The following ADAM10 variants were observed in gnomAD, a reference collection of about 807,000 sequenced individuals.
ADAM10 encodes the protein disintegrin and metalloproteinase domain-containing protein 10.
Under a neutral mutation model 90.1 loss-of-function variants are expected in ADAM10, and 17 were observed. That is an observed-to-expected ratio of 0.19 (90% confidence interval 0.13 to 0.28). ADAM10 has a LOEUF of 0.28. Ranked by LOEUF, ADAM10 falls within the 10% of genes least tolerant of loss-of-function variation. ADAM10 has a pLI of 1.00. For missense variants in ADAM10, 610 were observed against 914.3 expected (o/e 0.67, Z 4.29); for synonymous variants, 310 against 298.6 (o/e 1.04, Z -0.40).
chr15:58,702,113 A>G (rs1042763751), intron 2 of ADAM10, among the ~76,000 whole-genome samples: 5 of 152,198 alleles, frequency 3.3e-5, no homozygotes, highest in Non-Finnish European at 7.3e-5. Flanking sequence ...CTCAAAAAAA[A>G]GAAAAAGAAA....
At chr15:58,659,597 T>C (rs1341641096) in intron 5 of ADAM10, among the ~76,000 whole-genome samples, 5 of 151,920 alleles carry the variant, frequency 3.3e-5, no homozygotes, top group Admixed American at 3.3e-4. Context: ...TATTGCTGGA[T>C]TTCACTTGCT....
chr15:58,691,344 T>C, intron 2 of ADAM10: 1 of 1,057,190 alleles, frequency 9.5e-7, no homozygotes, highest in Non-Finnish European at 1.5e-6. Flanking sequence ...ACAGTACTCA[T>C]CAATGGGCTC....
At chr15:58,663,794 T>C (rs1897021048) in intron 5 of ADAM10, among the ~76,000 whole-genome samples, 1 of 152,138 alleles carries the variant, frequency 6.6e-6, no homozygotes, top group African/African-American at 2.4e-5. Context: ...TTCTATAATA[T>C]ATAATATTCT....
Position 58,610,395 on chromosome 15 carries a change from T to A in ADAM10, c.1927A>T (p.Met643Leu). Residue 643 changes from methionine to leucine, a missense_variant, in exon 14 of 16, where the codon ATG becomes TTG. Transcript: ENST00000260408. Reference sequence around the variant, plus strand: ...TCAGCATCTACTAATCTGCACCGCATGAAAACATCACAGTAACCTCTAAAA... The same window carrying A: ...TCAGCATCTACTAATCTGCACCGCAAGAAAACATCACAGTAACCTCTAAAA... ...NDFRGYCDVF[M>L]RCRLVDADGP... 6.2e-7 allele frequency: 1 copy of A among 1,614,204 alleles called. No individual in the cohort carries two copies. The highest frequency in any genetic ancestry group is 8.5e-7 in the Non-Finnish European group (1 of 1,180,038).
chr15:58,723,348 C>G (rs1898920272), intron 1 of ADAM10, among the ~76,000 whole-genome samples: 1 of 151,284 alleles, frequency 6.6e-6, no homozygotes. Context: ...GATTGGAAGG[C>G]GGAAAAAAAA....
chr15:58,644,198 T>C (rs1026853821), intron 6 of ADAM10, among the ~76,000 whole-genome samples: 5 of 151,774 alleles, frequency 3.3e-5, no homozygotes, highest in African/African-American at 4.8e-5. Context: ...ACAATAAACA[T>C]GCATACTTCT....
intron 13 of ADAM10, 154 bp from the exon 14 acceptor site, chr15:58,610,671 C>T (rs1266976584): frequency 1.3e-6 from 1 of 756,156 alleles, no homozygotes; most frequent in Non-Finnish European, 2.3e-6. Flanking sequence ...TGGGTAACGC[C>T]ATCAGTAATT....
intron 1 of ADAM10, among the ~76,000 whole-genome samples, chr15:58,727,322 C>G (rs1899072614): frequency 1.3e-5 from 2 of 151,856 alleles, no homozygotes; most frequent in Admixed American, 1.3e-4. Flanking sequence ...TCCCCAGTAG[C>G]TGGGATTACA....
intron 2 of ADAM10, chr15:58,686,564 G>A (rs572312831): frequency 1.1e-5 from 14 of 1,314,996 alleles, no homozygotes; most frequent in African/African-American, 8.7e-5. Flanking sequence ...GCTGGTGGGT[G>A]TTCTAGCTGG....
At chr15:58,704,280 T>A (rs960044129) in intron 2 of ADAM10, 1 of 152,186 alleles carries the variant, frequency 6.6e-6, no homozygotes, top group Non-Finnish European at 1.5e-5. Flanking sequence ...GGACAGATAG[T>A]AGAATAGTTG....
chr15:58,703,090 A>T (rs1352963818), intron 2 of ADAM10, among the ~76,000 whole-genome samples: 1 of 152,140 alleles, frequency 6.6e-6, no homozygotes, highest in Non-Finnish European at 1.5e-5. Flanking sequence ...CATGTCATGA[A>T]ATAATAATAA....
At chr15:58,672,198 C>T (rs1259003871) in intron 4 of ADAM10, 1 of 152,086 alleles carries the variant, frequency 6.6e-6, no homozygotes, top group African/African-American at 2.4e-5. Flanking sequence ...TTCTGATAGC[C>T]ATTACAGTAC....
At chr15:58,664,285 CTG>C (rs1157045027) in intron 5 of ADAM10, among the ~76,000 whole-genome samples, 1 of 152,084 alleles carries the variant, frequency 6.6e-6, no homozygotes, top group Non-Finnish European at 1.5e-5. Flanking sequence ...AATTGTTTCT[CTG>C]TGTCTCCAAT....
intron 1 of ADAM10, among the ~76,000 whole-genome samples, chr15:58,729,893 C>T (rs145291695): frequency 2.2e-3 from 332 of 150,010 alleles, no homozygotes; most frequent in African/African-American, 8.0e-3. Context: ...ACCCAGGAGG[C>T]GGAGGCTGCG....
intron 1 of ADAM10, among the ~76,000 whole-genome samples, chr15:58,721,624 C>T (rs1898856265): frequency 6.6e-6 from 1 of 152,174 alleles, no homozygotes; most frequent in South Asian, 2.1e-4. Flanking sequence ...GTAGCTCACA[C>T]CTGTAATCCC....
In ADAM10 at chr15:58,635,889, TA is replaced by T. The variant is rs1249335674; in HGVS notation, c.1013-2531del. 6.6e-5 allele frequency among the ~76,000 whole-genome samples: 10 copies of T among 152,302 alleles called. No homozygotes were observed. The East Asian group carries it at 1.9e-3, about 29-fold the overall frequency. ...GGCTAATTTAAGAGAAGAGTATACATAAATTAGAATATACTATTCTGAAATA... is the reference window on the plus strand; with the variant it reads ...GGCTAATTTAAGAGAAGAGTATACATAATTAGAATATACTATTCTGAAATA... On this transcript the variant is annotated intron_variant, in intron 8 of 15. Transcript: ENST00000260408.
intron 1 of ADAM10, among the ~76,000 whole-genome samples, chr15:58,727,207 C>CTTTTTTTTTTTTTTTTTTTTTTTTTT (rs1567014727): frequency 2.8e-5 from 2 of 71,000 alleles, no homozygotes; most frequent in African/African-American, 8.2e-5. Flanking sequence ...TTTTTTTTTC[C>CTTTTTTTTTTTTTTTTTTTTTTTTTT]CAAAAACAGC....
intron 2 of ADAM10, among the ~76,000 whole-genome samples, chr15:58,707,630 T>C (rs2140800688): frequency 6.6e-6 from 1 of 152,324 alleles, no homozygotes; most frequent in Non-Finnish European, 1.5e-5. Flanking sequence ...GAACCTGTCA[T>C]GATGGCATAA....
chr15:58,678,848 T>C (rs578088474), intron 4 of ADAM10, among the ~76,000 whole-genome samples: 2 of 152,338 alleles, frequency 1.3e-5, no homozygotes, highest in Admixed American at 1.3e-4. Flanking sequence ...TGTCAAAATA[T>C]ACGATTTCCA....
Sources: allele counts gnomAD v4.1 joint callset (sites outside exome capture counted in the v4.1 genomes callset), GRCh38; gene constraint gnomAD v4.1.1; transcripts MANE v1.5; gene names NCBI Gene and HGNC (gene_info 2026-07-23, HGNC 2026-07-21).